Variants in HNRNPUL1 observed in about 807,000 individuals in gnomAD.
The protein encoded by HNRNPUL1 is heterogeneous nuclear ribonucleoprotein U-like protein 1.
In HNRNPUL1, 14 loss-of-function variants were observed where a neutral mutation model predicts 108.5. The observed-to-expected ratio is 0.13, with a 90% confidence interval of 0.09 to 0.20. The LOEUF (loss-of-function observed/expected upper bound fraction) is 0.20, where lower values mean the gene tolerates loss of function less well. HNRNPUL1 is among the 10% of genes least tolerant of loss of function. The probability of loss-of-function intolerance (pLI) is 1.00; values close to 1 mark genes in which losing one functional copy is unlikely to be tolerated. For synonymous variants in HNRNPUL1, 422 were observed against 445.2 expected, an observed-to-expected ratio of 0.95 and a Z score of 0.66; for missense variants, 804 against 1,168.3, an observed-to-expected ratio of 0.69 and a Z score of 4.55.
chr19:41,275,633 C>G (rs2035504158), intron 4 of HNRNPUL1, among the ~76,000 whole-genome samples: 1 of 152,202 alleles, frequency 6.6e-6, no homozygotes, highest in Non-Finnish European at 1.5e-5. Context: ...AACCCCAGTT[C>G]CTCTCTGAGG....
chr19:41,266,296 G>C (rs966798290), intron 1 of HNRNPUL1, among the ~76,000 whole-genome samples: 2 of 152,046 alleles, frequency 1.3e-5, no homozygotes, highest in African/African-American at 4.8e-5. Context: ...AACCGGATCT[G>C]GTGGTGTGCG....
chr19:41,290,754 A>G (rs997622544), intron 7 of HNRNPUL1, among the ~76,000 whole-genome samples: 15 of 152,144 alleles, frequency 9.9e-5, no homozygotes, highest in Admixed American at 6.5e-5. Flanking sequence ...GAAGCCATCC[A>G]CCTTCTAAAA....
intron 2 of HNRNPUL1, among the ~76,000 whole-genome samples, chr19:41,271,607 G>A (rs2035244109): frequency 6.6e-6 from 1 of 152,190 alleles, no homozygotes; most frequent in Admixed American, 6.5e-5. Context: ...CCTGAGACTA[G>A]GACTTACCCG....
intron 8 of HNRNPUL1, among the ~76,000 whole-genome samples, chr19:41,293,721 GT>G (rs2036723923): frequency 6.6e-6 from 1 of 152,198 alleles, no homozygotes; most frequent in Admixed American, 6.5e-5. Context: ...AATGGGCTGG[GT>G]TTGGTGGCAA....
chr19:41,306,027 C>A (rs2037525540), intron 14 of HNRNPUL1, among the ~76,000 whole-genome samples, 160 bp downstream of exon 14: 1 of 152,218 alleles, frequency 6.6e-6, no homozygotes, highest in Non-Finnish European at 1.5e-5. Context: ...GTCAACACTT[C>A]TGCACTGGTT....
chr19:41,298,090 C>T (rs1466719082), intron 10 of HNRNPUL1, among the ~76,000 whole-genome samples: 1 of 152,162 alleles, frequency 6.6e-6, no homozygotes, highest in Admixed American at 6.5e-5. Context: ...TAGGTTTCTC[C>T]TGCTGCCAGT....
chr19:41,271,623 C>T (rs1293944071), intron 2 of HNRNPUL1, among the ~76,000 whole-genome samples: 1 of 152,166 alleles, frequency 6.6e-6, no homozygotes, highest in Non-Finnish European at 1.5e-5. Flanking sequence ...ACCCGTGGTC[C>T]ACAGCACGGT....
At chr19:41,298,767 C>T (rs964109917) in intron 10 of HNRNPUL1, 1 of 152,264 alleles carries the variant, frequency 6.6e-6, no homozygotes, top group Non-Finnish European at 1.5e-5. Context: ...TTCCTCTCAT[C>T]CCATGAAGCT....
intron 5 of HNRNPUL1, 63 bp from the exon 6 acceptor site, chr19:41,279,014 A>G (rs887539922): frequency 1.7e-5 from 19 of 1,122,780 alleles, no homozygotes; most frequent in Non-Finnish European, 2.4e-5. Flanking sequence ...TCCCTCCTAT[A>G]TTGGCTCATA....
At chr19:41,305,436 G>T (rs1004117148) in intron 13 of HNRNPUL1, among the ~76,000 whole-genome samples, 1 of 152,200 alleles carries the variant, frequency 6.6e-6, no homozygotes, top group African/African-American at 2.4e-5. Context: ...CTTGCTCCCT[G>T]GGGGTCTCAG....
intron 2 of HNRNPUL1, among the ~76,000 whole-genome samples, chr19:41,269,448 C>T (rs553734849): frequency 1.0e-4 from 15 of 144,098 alleles, no homozygotes; most frequent in Non-Finnish European, 1.7e-4. Context: ...CTACTACACT[C>T]CAGCCTGGGT....
At chr19:41,279,324 A>G (rs2035768289) in intron 6 of HNRNPUL1, 148 bp downstream of exon 6, 1 of 596,622 alleles carries the variant, frequency 1.7e-6, no homozygotes, top group Non-Finnish European at 3.0e-6. Flanking sequence ...GGTATATGCC[A>G]CTGTCTCTGT....
At chr19:41,282,346 C>T (rs1331617345) in intron 7 of HNRNPUL1, among the ~76,000 whole-genome samples, 3 of 152,216 alleles carry the variant, frequency 2.0e-5, no homozygotes, top group South Asian at 4.1e-4. Flanking sequence ...CTACACCCAA[C>T]TAATTTTGTA....
chr19:41,294,388 C>G lies in HNRNPUL1; in HGVS notation c.1317C>G (p.Ile439Met), dbSNP rs1185871969. The G allele has an allele frequency of 6.2e-7, 1 of 1,614,142 alleles. No individual in the cohort carries two copies. Among genetic ancestry groups the G allele is most frequent in the Admixed American group, 1.7e-5 (1 of 60,012 alleles). Residue 439 changes from isoleucine (I) to methionine (M), a missense_variant, in exon 9 of 15, where the codon ATC (isoleucine) becomes ATG (methionine). Ile to Met is a conservative substitution (Grantham distance 10). Transcript: ENST00000392006. The surrounding 1 kb of genome is among the most constrained non-coding windows in gnomAD (Gnocchi z 4.3). ...LPAAGKTTWA[I>M]KHAASNPSKK... ...CTGCTGGCAAGACCACATGGGCCAT[C>G]AAACATGCAGCCTCCAACCCTTCCA... is the stretch of plus-strand genomic sequence containing the variant.
chr19:41,279,064 C>T lies in HNRNPUL1; in HGVS notation c.787-13C>T. 1 of 1,606,624 alleles carries T rather than the reference C, an allele frequency of 6.2e-7. No individual in the cohort carries two copies. Among genetic ancestry groups the T allele is most frequent in the Non-Finnish European group, 8.5e-7 (1 of 1,173,332 alleles). On this transcript the variant is annotated splice_polypyrimidine_tract_variant and intron_variant, in intron 5 of 14. Coordinates refer to ENST00000392006, the MANE Select transcript of HNRNPUL1 (RefSeq NM_007040.6). ...GAGAAGCAACCCTGAGCCCTTTTGT[C>T]CTCTTTCCTCAGATCAATGAGGAAA...
chr19:41,268,307 G>C lies in HNRNPUL1; in HGVS notation c.380G>C (p.Arg127Thr). 1 of 1,613,994 alleles carries C rather than the reference G, an allele frequency of 6.2e-7. No individual in the cohort carries two copies. Among genetic ancestry groups the C allele is most frequent in the Non-Finnish European group, 8.5e-7 (1 of 1,179,970 alleles). ...KQENESGYER[R>T]PLEMEQQQAY... The stretch of plus-strand genomic sequence containing the variant: ...GAAAACGAGTCAGGCTACGAGAGGA[G>C]ACCACTGGAAATGGAGCAGCAGCAG... The change falls in exon 2 of 15, where the codon AGA becomes ACA. Residue 127 changes from arginine (R) to threonine (T), a missense_variant. Coordinates refer to ENST00000392006, the MANE Select transcript of HNRNPUL1 (RefSeq NM_007040.6).
At chr19:41,288,442 C>G (rs2036381313) in intron 7 of HNRNPUL1, among the ~76,000 whole-genome samples, 2 of 151,942 alleles carry the variant, frequency 1.3e-5, no homozygotes, top group Admixed American at 1.3e-4. Flanking sequence ...CAGGGTTTCA[C>G]CATGTTGGTC....
chr19:41,264,318 A>C (rs932449502), upstream of HNRNPUL1: 144 of 463,392 alleles, frequency 3.1e-4, no homozygotes, highest in Non-Finnish European at 2.2e-4. Context: ...ACCAATTGGC[A>C]CTCATGTAAC....
chr19:41,265,201 G>T, intron 1 of HNRNPUL1: 13 of 1,504,960 alleles, frequency 8.6e-6, no homozygotes, highest in Non-Finnish European at 1.1e-5. Flanking sequence ...GGTCGTGCTA[G>T]CCCAGCGTGT....
Sources: allele counts gnomAD v4.1 joint callset (sites outside exome capture counted in the v4.1 genomes callset), GRCh38; gene constraint gnomAD v4.1.1; non-coding constraint Gnocchi (gnomAD v3.1); transcripts MANE v1.5; gene names NCBI Gene and HGNC (gene_info 2026-07-23, HGNC 2026-07-21).